Variants in STIMATE observed in about 807,000 individuals in gnomAD.
STIMATE encodes store-operated calcium entry regulator STIMATE.
STIMATE carries 15 observed loss-of-function variants against 36.7 expected under a neutral mutation model. The observed-to-expected ratio is 0.41, with a 90% confidence interval of 0.27 to 0.63. The LOEUF (loss-of-function observed/expected upper bound fraction) is 0.63, where lower values mean the gene tolerates loss of function less well. Ranked by LOEUF, STIMATE falls within the 20% of genes least tolerant of loss-of-function variation. The pLI, the probability that STIMATE is intolerant of heterozygous loss-of-function variation, is 0.32. For synonymous variants in STIMATE, 163 were observed against 162.3 expected (o/e 1.00, Z -0.03); for missense variants, 305 against 397.3 (o/e 0.77, Z 1.98).
intron 1 of STIMATE, among the ~76,000 whole-genome samples, chr3:52,890,426 T>G (rs1319451024): frequency 6.6e-6 from 1 of 152,262 alleles, no homozygotes; most frequent in African/African-American, 2.4e-5. Context: ...AGGGGCGATT[T>G]GGCCCCCCAG....
intron 1 of STIMATE, among the ~76,000 whole-genome samples, chr3:52,877,005 AG>A (rs1196559159): frequency 6.6e-6 from 1 of 152,230 alleles, no homozygotes; most frequent in African/African-American, 2.4e-5. Flanking sequence ...CAAAATTTCA[AG>A]GCTTGTGATA....
At chr3:52,894,317 G>A (rs62253582) in intron 1 of STIMATE, among the ~76,000 whole-genome samples, 81,681 of 151,452 alleles carry the variant, frequency 0.54, 23,029 homozygotes, top group Non-Finnish European at 0.63. Flanking sequence ...CATGTGTGTG[G>A]GTGGTGCCTG....
chr3:52,877,279 C>T lies in STIMATE; in HGVS notation c.160+20012G>A, dbSNP rs1701516013. 2.6e-5 allele frequency among the ~76,000 whole-genome samples: 4 copies of T among 152,236 alleles called. No homozygotes were observed. In the South Asian group the frequency reaches 8.3e-4, roughly 31 times the overall value. ...GCAACATCCCTCCACCTTCACATGC[C>T]TCAGCCACCTGCCACTGGCTGCGGC... On this transcript the variant is annotated intron_variant, in intron 1 of 7. Transcript: ENST00000355083.
intron 1 of STIMATE, among the ~76,000 whole-genome samples, chr3:52,873,215 G>A (rs2106705889): frequency 6.6e-6 from 1 of 152,340 alleles, no homozygotes; most frequent in African/African-American, 2.4e-5. Flanking sequence ...GGGCTGTGGT[G>A]TCATCTGCTA....
At chr3:52,854,490 C>G (rs1204221850) in intron 2 of STIMATE, among the ~76,000 whole-genome samples, 1 of 152,224 alleles carries the variant, frequency 6.6e-6, no homozygotes, top group Non-Finnish European at 1.5e-5. Context: ...GTGAACACAT[C>G]CATGTGCTGG....
rs772522543 is a variant in STIMATE at position 52,855,433 on chromosome 3, T to C, written c.172A>G (p.Arg58Gly). The C allele has an allele frequency of 1.2e-6, 2 of 1,614,004 alleles. No homozygotes were observed. The highest frequency in any genetic ancestry group is 3.3e-5 in the Admixed American group (2 of 60,012). The change falls in exon 2 of 8, where the codon AGA becomes GGA. Residue 58 changes from arginine to glycine, a missense_variant. Coordinates refer to ENST00000355083, the MANE Select transcript of STIMATE (RefSeq NM_198563.5). ...GGACGTCTTTCATGCTTTGGTTCTC[T>C]GAAGCGTTTGACTGAAAGAAAAGAC... ...AFSTLMLKRF[R>G]EPKHERRPWR...
At chr3:52,859,320 T>C (rs547282588) in intron 1 of STIMATE, among the ~76,000 whole-genome samples, 214 of 150,396 alleles carry the variant, frequency 1.4e-3, no homozygotes, top group Middle Eastern at 6.8e-3. Context: ...TGGATATACA[T>C]TTATGCTGGT....
chr3:52,894,835 G>C (rs1321529014), intron 1 of STIMATE, among the ~76,000 whole-genome samples: 1 of 152,240 alleles, frequency 6.6e-6, no homozygotes, highest in East Asian at 1.9e-4. Context: ...ACTCAGAAGG[G>C]AAAAGACTGT....
intron 1 of STIMATE, among the ~76,000 whole-genome samples, chr3:52,894,603 T>G (rs1311829260): frequency 1.3e-5 from 2 of 152,096 alleles, no homozygotes. Context: ...GAGAAAAAAG[T>G]GATTTTTCTG....
At chr3:52,860,940 G>T (rs1339351080) in intron 1 of STIMATE, among the ~76,000 whole-genome samples, 2 of 152,188 alleles carry the variant, frequency 1.3e-5, no homozygotes, top group East Asian at 3.9e-4. Context: ...GGAAACAGTT[G>T]TGCCCTGCGT....
At chr3:52,892,261 G>A (rs888179303) in intron 1 of STIMATE, among the ~76,000 whole-genome samples, 2 of 152,232 alleles carry the variant, frequency 1.3e-5, no homozygotes, top group Non-Finnish European at 2.9e-5. Flanking sequence ...CTACAACTCA[G>A]ATTGTCCCCT....
chr3:52,888,362 G>A (rs1033935147), intron 1 of STIMATE, among the ~76,000 whole-genome samples: 10 of 152,144 alleles, frequency 6.6e-5, no homozygotes, highest in African/African-American at 2.4e-4. Context: ...CTCCCCATGC[G>A]AAGACTGGAT....
At chr3:52,894,809 C>T (rs1478867833) in intron 1 of STIMATE, among the ~76,000 whole-genome samples, 1 of 152,214 alleles carries the variant, frequency 6.6e-6, no homozygotes, top group African/African-American at 2.4e-5. Context: ...AGCCCATTGC[C>T]TCGAGGGCCA....
At chr3:52,847,543 C>T (rs1174542478) in intron 4 of STIMATE, 3 of 1,289,622 alleles carry the variant, frequency 2.3e-6, no homozygotes, top group Non-Finnish European at 3.0e-6. Context: ...AAACTCTTGG[C>T]CTTCTCTTCT....
At chr3:52,872,962 T>C (rs1701432773) in intron 1 of STIMATE, among the ~76,000 whole-genome samples, 1 of 152,210 alleles carries the variant, frequency 6.6e-6, no homozygotes, top group Non-Finnish European at 1.5e-5. Context: ...GCTGATAATC[T>C]GGTCTAAGTG....
chr3:52,863,425 C>G (rs1575336213), intron 1 of STIMATE, among the ~76,000 whole-genome samples: 1 of 152,262 alleles, frequency 6.6e-6, no homozygotes, highest in Middle Eastern at 3.4e-3. Context: ...GGGGAAACCA[C>G]CCCCATGATT....
chr3:52,850,869 C>T (rs953836492), intron 3 of STIMATE, among the ~76,000 whole-genome samples: 1 of 152,186 alleles, frequency 6.6e-6, no homozygotes, highest in Non-Finnish European at 1.5e-5. Context: ...GCTGGGATTA[C>T]AGGCACCCAC....
At chr3:52,849,983 T>G (rs1578804672) in intron 3 of STIMATE, 70 bp from the exon 4 acceptor site, 1 of 1,549,890 alleles carries the variant, frequency 6.5e-7, no homozygotes, top group South Asian at 1.2e-5. Context: ...TGATGCAGGG[T>G]GGCCTGAGGG....
At chr3:52,877,677 C>T (rs1701522985) in intron 1 of STIMATE, among the ~76,000 whole-genome samples, 1 of 152,208 alleles carries the variant, frequency 6.6e-6, no homozygotes, top group South Asian at 2.1e-4. Context: ...TCCTACCTCC[C>T]CAGGGTTGTG....
Sources: gnomAD v4.1 joint callset for allele counts (sites outside exome capture counted in the v4.1 genomes callset) on GRCh38, gnomAD v4.1.1 for gene constraint, MANE v1.5 for transcripts, NCBI Gene and HGNC (gene_info 2026-07-23, HGNC 2026-07-21) for gene names.